Variants in THBS2 observed in about 807,000 individuals in gnomAD.
THBS2 encodes thrombospondin 2.
In THBS2, 47 loss-of-function variants were observed where a neutral mutation model predicts 135.2. The ratio of observed to expected loss-of-function variants is 0.35; its 90% CI spans 0.28 to 0.44. The LOEUF is 0.44. Among genes scored for constraint, THBS2 ranks in the 20% least tolerant of loss-of-function variants. The pLI is 1.00. For missense variants in THBS2, 1,288 were observed against 1,603.1 expected (o/e 0.80, Z 3.36); for synonymous variants, 639 against 633.8 (o/e 1.01, Z -0.12).
intron 8 of THBS2, 107 bp from the exon 9 acceptor site, chr6:169,237,453 G>A (rs1262767114): frequency 2.0e-6 from 3 of 1,511,546 alleles, no homozygotes; most frequent in Non-Finnish European, 2.7e-6. Flanking sequence ...GCTGAGGAGA[G>A]GGAAGGAGAA....
At position 169,246,297 on chromosome 6, in the gene THBS2, A is replaced by G. The variant is rs1351382739; in HGVS notation, c.610-16T>C. The G allele has an allele frequency of 1.2e-6, 2 of 1,605,780 alleles. No homozygotes were observed. The highest frequency in any genetic ancestry group is 1.7e-6 in the Non-Finnish European group (2 of 1,173,040). On this transcript the variant is annotated splice_polypyrimidine_tract_variant and intron_variant, in intron 3 of 21. Transcript: ENST00000617924. Reference sequence around the variant, plus strand: ...GAAGCAAACCCTGTAAGTATACACAAGCAGAAAAATAGAGCAACAGATAAA... The same window carrying G: ...GAAGCAAACCCTGTAAGTATACACAGGCAGAAAAATAGAGCAACAGATAAA...
At chr6:169,222,746 A>T (rs988164811) in intron 18 of THBS2, among the ~76,000 whole-genome samples, 1 of 151,520 alleles carries the variant, frequency 6.6e-6, no homozygotes, top group South Asian at 2.1e-4. Flanking sequence ...GTGAACTGAG[A>T]TTGTACCACT....
intron 12 of THBS2, 150 bp from the exon 13 acceptor site, chr6:169,232,348 TGAG>T (rs1779869108): frequency 2.2e-6 from 2 of 898,234 alleles, no homozygotes; most frequent in Non-Finnish European, 3.4e-6. Context: ...GACACGCACT[TGAG>T]GTGCTGTTCG....
At chr6:169,246,134 CCAT>C in intron 4 of THBS2, 60 bp downstream of exon 4, 2 of 1,404,266 alleles carry the variant, frequency 1.4e-6, no homozygotes, top group Non-Finnish European at 2.0e-6. Flanking sequence ...CACACATACA[CCAT>C]GTCACAATAG....
chr6:169,231,738 G>T (rs547238963), intron 13 of THBS2, among the ~76,000 whole-genome samples: 1 of 152,214 alleles, frequency 6.6e-6, no homozygotes, highest in East Asian at 1.9e-4. Flanking sequence ...AATATGGGCC[G>T]ACGTGCCCGA....
chr6:169,237,478 T>G, intron 8 of THBS2, 132 bp from the exon 9 acceptor site: 1 of 1,494,746 alleles, frequency 6.7e-7, no homozygotes, highest in Non-Finnish European at 9.1e-7. Context: ...TCCCATCAGC[T>G]GGGAGAAAGA....
chr6:169,222,123 G>A, intron 19 of THBS2, 74 bp downstream of exon 19: 6 of 1,502,228 alleles, frequency 4.0e-6, no homozygotes, highest in South Asian at 1.3e-5. Context: ...CTCTGGACTG[G>A]GCTAGTCCTG....
chr6:169,245,621 T>C (rs1025555391), intron 4 of THBS2, among the ~76,000 whole-genome samples: 19 of 151,770 alleles, frequency 1.3e-4, no homozygotes, highest in Non-Finnish European at 2.6e-4. Flanking sequence ...TGAAACCCCA[T>C]CTCTACTAAA....
intron 4 of THBS2, among the ~76,000 whole-genome samples, chr6:169,243,021 C>CA (rs1780406574): frequency 7.3e-6 from 1 of 137,446 alleles, no homozygotes; most frequent in Non-Finnish European, 1.6e-5. Context: ...ACATTCCCAC[C>CA]TTCCCACCTT....
At chr6:169,230,540 T>C (rs544893261) in intron 13 of THBS2, among the ~76,000 whole-genome samples, 17 of 152,322 alleles carry the variant, frequency 1.1e-4, no homozygotes, top group Admixed American at 5.9e-4. Context: ...ATCCAGCACC[T>C]GTGTGTCGGG....
chr6:169,237,923 T>C, intron 7 of THBS2, 128 bp from the exon 8 acceptor site: 1 of 1,210,244 alleles, frequency 8.3e-7, no homozygotes, highest in Non-Finnish European at 1.1e-6. Flanking sequence ...GGCCACTGCC[T>C]GGCTGGGGCA....
rs561846415 is a variant in THBS2, at chr6:169,229,403, G to A, written c.2259+169C>T. Among the ~76,000 whole-genome samples, 12 of 152,304 alleles carry A rather than the reference G, an allele frequency of 7.9e-5. No individual in the cohort carries two copies. The East Asian group carries it at 1.2e-3, about 15-fold the overall frequency. On this transcript the variant is annotated intron_variant, in intron 14 of 21. Coordinates refer to ENST00000617924, the MANE Select transcript of THBS2 (RefSeq NM_003247.5). ...AGCCCCATGCACTGAGGTAAAATCC[G>A]CTTTTGCAAAGGACTGTCTTTATAG...
intron 7 of THBS2, 68 bp from the exon 8 acceptor site, chr6:169,237,863 C>T: frequency 5.9e-6 from 9 of 1,527,222 alleles, no homozygotes; most frequent in Non-Finnish European, 7.9e-6. Flanking sequence ...ACAGAACGGG[C>T]ACAGGGCAGC....
chr6:169,238,129 A>G (rs1404109042), intron 7 of THBS2, among the ~76,000 whole-genome samples: 1 of 152,264 alleles, frequency 6.6e-6, no homozygotes, highest in South Asian at 2.1e-4. Context: ...TGCCAAAGAC[A>G]GTGTTGAATC....
intron 17 of THBS2, among the ~76,000 whole-genome samples, chr6:169,224,849 T>C (rs1264231715): frequency 2.0e-5 from 3 of 152,188 alleles, no homozygotes; most frequent in Non-Finnish European, 4.4e-5. Flanking sequence ...GCATTCTTTC[T>C]AGGAGATCGT....
rs151223441 is a variant in THBS2 at position 169,236,919 on chromosome 6, T to C, written c.1477+251A>G. ...GATCATTCTTCCTTTAATTACAGTC[T>C]GTCCTGAACTGGAATGAAACGGGGC... On this transcript the variant is annotated intron_variant, in intron 9 of 21. Coordinates refer to ENST00000617924, the MANE Select transcript of THBS2 (RefSeq NM_003247.5). Among the ~76,000 whole-genome samples the C allele has an allele frequency of 7.5e-4, 115 of 152,362 alleles. 1 individual carries two copies. In the South Asian group the frequency reaches 8.3e-3, roughly 11 times the overall value.
chr6:169,221,708 CAG>C (rs956840386), intron 19 of THBS2, among the ~76,000 whole-genome samples, 181 bp from the exon 20 acceptor site: 3 of 152,180 alleles, frequency 2.0e-5, no homozygotes, highest in Non-Finnish European at 4.4e-5. Context: ...AGCCCATGGA[CAG>C]AGTGTGGCTC....
chr6:169,244,829 G>C (rs935995016), intron 4 of THBS2, among the ~76,000 whole-genome samples: 3 of 152,122 alleles, frequency 2.0e-5, no homozygotes, highest in African/African-American at 7.2e-5. Context: ...CGTGGTGGGG[G>C]TGACAGTTGG....
chr6:169,237,033 C>A, intron 9 of THBS2, 137 bp downstream of exon 9: 1 of 972,670 alleles, frequency 1.0e-6, no homozygotes, highest in Admixed American at 2.8e-5. Flanking sequence ...GGGATGGCAG[C>A]CCCCTTTGCT....
Sources: allele counts gnomAD v4.1 joint callset (sites outside exome capture counted in the v4.1 genomes callset), GRCh38; gene constraint gnomAD v4.1.1; transcripts MANE v1.5; gene names NCBI Gene and HGNC (gene_info 2026-07-23, HGNC 2026-07-21).